SCHIP1: variants seen among roughly 807,000 people sequenced by gnomAD.
SCHIP1 encodes schwannomin interacting protein 1.
In SCHIP1, 8 loss-of-function variants were observed where a neutral mutation model predicts 29.7. That is an observed-to-expected ratio of 0.27 (90% CI 0.16 to 0.49). The LOEUF is 0.49. Among genes scored for constraint, SCHIP1 ranks in the 20% least tolerant of loss-of-function variants. The pLI is 0.99. For synonymous variants in SCHIP1, 76 were observed against 94.9 expected (o/e 0.80, Z 1.16); for missense variants, 193 against 294.6 (o/e 0.66, Z 2.52).
At chr3:159,486,351 A>G in the SCHIP1 span, among the ~76,000 whole-genome samples, 1 of 152,178 alleles carries the variant, frequency 6.6e-6, no homozygotes, top group African/African-American at 2.4e-5. Flanking sequence ...CCCGGCTTCT[A>G]TGAATTCAAG....
chr3:159,351,650 A>C, the SCHIP1 span, among the ~76,000 whole-genome samples: 1 of 152,170 alleles, frequency 6.6e-6, no homozygotes, highest in South Asian at 2.1e-4. Context: ...AGTAAGTACA[A>C]GATCAAATTG....
At chr3:159,791,630 G>A in the SCHIP1 span, among the ~76,000 whole-genome samples, 1 of 152,216 alleles carries the variant, frequency 6.6e-6, no homozygotes, top group African/African-American at 2.4e-5. Flanking sequence ...GCAAGATCTA[G>A]CAGGGAGCCA....
the SCHIP1 span, among the ~76,000 whole-genome samples, chr3:159,554,589 GC>G: frequency 1.3e-5 from 2 of 152,110 alleles, no homozygotes; most frequent in African/African-American, 4.8e-5. Flanking sequence ...CTCTCACCAT[GC>G]TTTGATAGCT....
At chr3:159,626,522 A>C in the SCHIP1 span, among the ~76,000 whole-genome samples, 1 of 152,128 alleles carries the variant, frequency 6.6e-6, no homozygotes, top group Admixed American at 6.5e-5. Context: ...CAGTGGTCCA[A>C]CAAGGGTCGT....
chr3:159,595,164 T>C, the SCHIP1 span, among the ~76,000 whole-genome samples: 1 of 152,146 alleles, frequency 6.6e-6, no homozygotes, highest in Non-Finnish European at 1.5e-5. Flanking sequence ...CTGCTGATTA[T>C]ATGTGCTTCT....
chr3:159,402,773 G>A, the SCHIP1 span, among the ~76,000 whole-genome samples: 1 of 152,036 alleles, frequency 6.6e-6, no homozygotes, highest in Non-Finnish European at 1.5e-5. Context: ...ACACACTGGG[G>A]ACTGTTGTTG....
At chr3:159,285,952 T>G in the SCHIP1 span, among the ~76,000 whole-genome samples, 93 of 152,312 alleles carry the variant, frequency 6.1e-4, no homozygotes, top group Non-Finnish European at 1.2e-3. Flanking sequence ...CTCTTTTATT[T>G]ATATTTAAAA....
At chr3:159,868,721 A>C (rs1270793711) in intron 2 of SCHIP1, among the ~76,000 whole-genome samples, 1 of 152,068 alleles carries the variant, frequency 6.6e-6, no homozygotes, top group Admixed American at 6.6e-5. Flanking sequence ...GGATTATTTC[A>C]AAGGTTTTGC....
intron 3 of SCHIP1, 89 bp from the exon 5 acceptor site, chr3:159,887,619 A>T (rs1717092261): frequency 6.9e-7 from 1 of 1,451,770 alleles, no homozygotes; most frequent in African/African-American, 1.4e-5. Flanking sequence ...CTGCTCTGAG[A>T]GAAGGCTCAG....
the SCHIP1 span, among the ~76,000 whole-genome samples, chr3:159,656,567 AT>A: frequency 3.5e-4 from 53 of 151,002 alleles, 1 homozygote; most frequent in South Asian, 2.3e-3. Flanking sequence ...ATTACAAATC[AT>A]TTTTGGTGTG....
At chr3:159,672,636 T>G in the SCHIP1 span, among the ~76,000 whole-genome samples, 4 of 152,264 alleles carry the variant, frequency 2.6e-5, no homozygotes, top group East Asian at 7.7e-4. Flanking sequence ...ATTCTAAACA[T>G]CCTACAATGC....
At chr3:159,736,736 C>CTT in the SCHIP1 span, among the ~76,000 whole-genome samples, 27 of 141,674 alleles carry the variant, frequency 1.9e-4, no homozygotes, top group South Asian at 4.6e-4. Context: ...AGCCCATATT[C>CTT]TTTTTTTTTT....
At chr3:159,447,187 A>G in the SCHIP1 span, among the ~76,000 whole-genome samples, 6 of 152,220 alleles carry the variant, frequency 3.9e-5, no homozygotes, top group African/African-American at 1.4e-4. Flanking sequence ...TCCTAGTGTC[A>G]GTGTGCTCAT....
chr3:159,505,916 G>A, the SCHIP1 span, among the ~76,000 whole-genome samples: 1 of 152,144 alleles, frequency 6.6e-6, no homozygotes. Flanking sequence ...ATTGTGAATA[G>A]TGCCGCAATA....
At chr3:159,437,790 G>A in the SCHIP1 span, among the ~76,000 whole-genome samples, 1 of 152,138 alleles carries the variant, frequency 6.6e-6, no homozygotes, top group Non-Finnish European at 1.5e-5. Flanking sequence ...CAAGGTTTAT[G>A]ATTAAAGTTG....
At chr3:159,403,558 T>A in the SCHIP1 span, among the ~76,000 whole-genome samples, 4 of 152,280 alleles carry the variant, frequency 2.6e-5, no homozygotes, top group African/African-American at 9.6e-5. Flanking sequence ...AAAGCAACAC[T>A]GGGAAGAACT....
At chr3:159,581,414 A>G in the SCHIP1 span, among the ~76,000 whole-genome samples, 1 of 152,232 alleles carries the variant, frequency 6.6e-6, no homozygotes, top group South Asian at 2.1e-4. Flanking sequence ...ACAGTAGCCT[A>G]TAAGAGAAAA....
the SCHIP1 span, among the ~76,000 whole-genome samples, chr3:159,299,035 T>C: frequency 6.6e-6 from 1 of 151,992 alleles, no homozygotes; most frequent in African/African-American, 2.4e-5. Flanking sequence ...TTGAAAATTC[T>C]AGGATTTACC....
the SCHIP1 span, among the ~76,000 whole-genome samples, chr3:159,527,123 T>G: frequency 6.6e-6 from 1 of 152,154 alleles, no homozygotes; most frequent in Admixed American, 6.6e-5. Flanking sequence ...TAGGGAAAAT[T>G]CCCTTTCACA....
Sources: gnomAD v4.1 joint callset for allele counts (sites outside exome capture counted in the v4.1 genomes callset) on GRCh38, gnomAD v4.1.1 for gene constraint, MANE v1.5 for transcripts, NCBI Gene and HGNC (gene_info 2026-07-23, HGNC 2026-07-21) for gene names.